The following ARHGAP26 variants were observed in gnomAD, a reference collection of about 807,000 sequenced individuals.
ARHGAP26 encodes rho GTPase-activating protein 26.
A neutral mutation model predicts 104.8 loss-of-function variants in ARHGAP26; 38 were observed. The observed-to-expected ratio is 0.36, with a 90% CI of 0.28 to 0.48. The LOEUF is 0.48. Ranked by LOEUF, ARHGAP26 falls within the 20% of genes least tolerant of loss-of-function variation. ARHGAP26 has a pLI of 0.99. For missense variants in ARHGAP26, 704 were observed against 947.9 expected (o/e 0.74, Z 3.38); for synonymous variants, 341 against 340.0 (o/e 1.00, Z -0.03).
At chr5:143,146,244 T>C (rs763655970) in intron 19 of ARHGAP26, among the ~76,000 whole-genome samples, 5 of 152,224 alleles carry the variant, frequency 3.3e-5, no homozygotes, top group African/African-American at 4.8e-5. Flanking sequence ...CTAAATTATC[T>C]CCAAAATTTG....
chr5:142,875,064 G>GA lies in ARHGAP26; in HGVS notation c.251-46_251-45insA, dbSNP rs759537245. On this transcript the variant is annotated intron_variant, in intron 2 of 22. Transcript: ENST00000645722. The stretch of plus-strand genomic sequence containing the variant: ...AGCCAGAGCTGGAAAGGCTCCCCAA[G>GA]GCCCATGACACTCCTTCCACCTCAT... The GA allele has an allele frequency of 1.3e-5, 20 of 1,549,646 alleles. No individual in the cohort carries two copies. The Admixed American group carries it at 3.3e-4, about 26-fold the overall frequency.
At chr5:142,906,494 C>T (rs1178619922) in intron 8 of ARHGAP26, among the ~76,000 whole-genome samples, 1 of 152,170 alleles carries the variant, frequency 6.6e-6, no homozygotes, top group Non-Finnish European at 1.5e-5. Context: ...CCTCTTTCTT[C>T]CTCCCTCTCT....
chr5:142,935,964 C>G (rs112185790), intron 11 of ARHGAP26, among the ~76,000 whole-genome samples: 62 of 152,186 alleles, frequency 4.1e-4, no homozygotes, highest in African/African-American at 1.3e-3. Flanking sequence ...TTGCTGTCAC[C>G]ACTCTTACTC....
intron 17 of ARHGAP26, chr5:143,058,014 A>C: frequency 1.6e-6 from 1 of 620,294 alleles, no homozygotes. Context: ...ATGGTGATCA[A>C]GGGCAAATTG....
At chr5:142,794,143 C>T (rs1760469150) in intron 1 of ARHGAP26, among the ~76,000 whole-genome samples, 1 of 152,244 alleles carries the variant, frequency 6.6e-6, no homozygotes, top group African/African-American at 2.4e-5. Context: ...GCGCCATTCT[C>T]AGGCAGTCTT....
chr5:143,220,429 C>T (rs1810992668), intron 22 of ARHGAP26, among the ~76,000 whole-genome samples: 1 of 152,226 alleles, frequency 6.6e-6, no homozygotes. Flanking sequence ...GCTTTATCCA[C>T]ACCAGCTCCT....
At position 143,222,479 on chromosome 5, in the gene ARHGAP26, A is replaced by G. The variant is rs369414159; in HGVS notation, c.*33A>G. 1.3e-5 allele frequency: 20 copies of G among 1,535,322 alleles called. No individual in the cohort carries two copies. The highest frequency in any genetic ancestry group is 3.6e-5 in the South Asian group (3 of 82,870). On this transcript the variant is annotated 3_prime_UTR_variant, in exon 23 of 23. Coordinates refer to ENST00000645722, the MANE Select transcript of ARHGAP26 (RefSeq NM_001135608.3). ...CCCCAGCAGAACTGCTGAGCTTTACATGGTATCCATGACAACTGCTGATTC... is the reference window on the plus strand; with the variant it reads ...CCCCAGCAGAACTGCTGAGCTTTACGTGGTATCCATGACAACTGCTGATTC...
intron 19 of ARHGAP26, among the ~76,000 whole-genome samples, chr5:143,139,722 C>T (rs752725933): frequency 6.6e-5 from 10 of 152,296 alleles, no homozygotes; most frequent in East Asian, 1.9e-4. Flanking sequence ...ACAGATGGAA[C>T]GAGGTTTTTC....
intron 1 of ARHGAP26, among the ~76,000 whole-genome samples, chr5:142,777,428 A>C (rs1479959012): frequency 2.0e-5 from 3 of 152,236 alleles, no homozygotes; most frequent in African/African-American, 7.2e-5. Context: ...CCATTGAGCT[A>C]CTGGGGAAAG....
At chr5:143,180,808 G>A (rs1375035187) in intron 20 of ARHGAP26, among the ~76,000 whole-genome samples, 1 of 152,096 alleles carries the variant, frequency 6.6e-6, no homozygotes, top group Non-Finnish European at 1.5e-5. Context: ...AGATGAGGAC[G>A]CAGCCAAACC....
intron 11 of ARHGAP26, among the ~76,000 whole-genome samples, chr5:142,963,204 G>GTATAGATATA: frequency 1.0e-5 from 1 of 96,154 alleles, no homozygotes; most frequent in Non-Finnish European, 1.8e-5. Context: ...ATATATGTGT[G>GTATAGATATA]TGTGTGTGTG....
chr5:142,839,114 C>T (rs559609060), intron 1 of ARHGAP26, among the ~76,000 whole-genome samples: 39 of 152,274 alleles, frequency 2.6e-4, no homozygotes, highest in African/African-American at 8.7e-4. Flanking sequence ...ACATTTCAGA[C>T]GATTCTTATG....
intron 10 of ARHGAP26, among the ~76,000 whole-genome samples, chr5:142,929,487 T>C (rs1035097675): frequency 3.3e-5 from 5 of 152,232 alleles, no homozygotes; most frequent in African/African-American, 1.2e-4. Flanking sequence ...GTTATTGTTT[T>C]ACTCCAGAAT....
chr5:143,147,527 T>C, intron 20 of ARHGAP26, 146 bp downstream of exon 20: 1 of 913,748 alleles, frequency 1.1e-6, no homozygotes, highest in Non-Finnish European at 1.6e-6. Context: ...CTCAGCTGGC[T>C]TGTTGTGGGT....
At chr5:142,954,360 C>T (rs1768868652) in intron 11 of ARHGAP26, among the ~76,000 whole-genome samples, 3 of 152,158 alleles carry the variant, frequency 2.0e-5, no homozygotes, top group Non-Finnish European at 4.4e-5. Flanking sequence ...CTCGTAGAGT[C>T]CCTTTATTCT....
At chr5:143,166,295 G>A (rs258783) in intron 20 of ARHGAP26, among the ~76,000 whole-genome samples, 32,793 of 152,062 alleles carry the variant, frequency 0.22, 4,301 homozygotes, top group East Asian at 0.4. Context: ...GGTGACTGAG[G>A]GAGTGTGGGC....
chr5:143,002,564 G>C (rs1777342557), intron 11 of ARHGAP26, among the ~76,000 whole-genome samples: 1 of 152,124 alleles, frequency 6.6e-6, no homozygotes, highest in Non-Finnish European at 1.5e-5. Context: ...GGAAGTGCTA[G>C]AGCCGTAAGA....
intron 11 of ARHGAP26, among the ~76,000 whole-genome samples, chr5:142,979,542 C>T (rs1773619211): frequency 6.6e-6 from 1 of 152,212 alleles, no homozygotes; most frequent in Non-Finnish European, 1.5e-5. Flanking sequence ...CTAGGAGTGC[C>T]ACTGATGGGG....
chr5:142,996,104 C>T (rs552907579), intron 11 of ARHGAP26, among the ~76,000 whole-genome samples: 39 of 152,158 alleles, frequency 2.6e-4, no homozygotes, highest in Non-Finnish European at 4.1e-4. Context: ...GACGGGTTGA[C>T]GGGTGCAGCA....
Sources: gnomAD v4.1 joint callset for allele counts (sites outside exome capture counted in the v4.1 genomes callset) on GRCh38, gnomAD v4.1.1 for gene constraint, MANE v1.5 for transcripts, NCBI Gene and HGNC (gene_info 2026-07-23, HGNC 2026-07-21) for gene names.